The following SLC4A7 variants were observed in gnomAD, a reference collection of about 807,000 sequenced individuals.
The protein encoded by SLC4A7 is sodium bicarbonate cotransporter 3.
A neutral mutation model predicts 137.6 loss-of-function variants in SLC4A7; 51 were observed. The ratio of observed to expected loss-of-function variants is 0.37; its 90% confidence interval spans 0.30 to 0.47. The LOEUF is 0.47. Ranked by LOEUF, SLC4A7 falls within the 20% of genes least tolerant of loss-of-function variation. The pLI is 1.00. For missense variants in SLC4A7, 1,247 were observed against 1,525.4 expected (o/e 0.82, Z 3.04); for synonymous variants, 542 against 518.6 (o/e 1.05, Z -0.61).
intron 1 of SLC4A7, among the ~76,000 whole-genome samples, chr3:27,471,337 T>C (rs2150704679): frequency 6.6e-6 from 1 of 152,292 alleles, no homozygotes; most frequent in Admixed American, 6.5e-5. Context: ...AATAACTACG[T>C]TAAAGCAGGC....
chr3:27,460,396 C>T (rs2150615915), intron 1 of SLC4A7, among the ~76,000 whole-genome samples: 1 of 152,218 alleles, frequency 6.6e-6, no homozygotes, highest in Middle Eastern at 3.4e-3. Flanking sequence ...ATAATAAAGC[C>T]TTCTAAGCTC....
intron 13 of SLC4A7, among the ~76,000 whole-genome samples, chr3:27,405,865 A>G (rs1434717231): frequency 6.6e-6 from 1 of 152,236 alleles, no homozygotes; most frequent in Admixed American, 6.5e-5. Flanking sequence ...AATTTAAATC[A>G]ACGTTAGTAT....
At chr3:27,464,799 G>A (rs1458924173) in intron 1 of SLC4A7, among the ~76,000 whole-genome samples, 1 of 152,176 alleles carries the variant, frequency 6.6e-6, no homozygotes, top group Non-Finnish European at 1.5e-5. Flanking sequence ...GCACTGGGAG[G>A]ATGGGGTGGA....
chr3:27,422,028 AAATTTTTC>A (rs1027455484), intron 8 of SLC4A7, among the ~76,000 whole-genome samples: 4 of 152,244 alleles, frequency 2.6e-5, no homozygotes, highest in African/African-American at 9.6e-5. Flanking sequence ...TGAACTTGAG[AAATTTTTC>A]AATGAATACT....
At chr3:27,450,497 A>T (rs1559801762) in intron 2 of SLC4A7, among the ~76,000 whole-genome samples, 1 of 152,140 alleles carries the variant, frequency 6.6e-6, no homozygotes, top group Non-Finnish European at 1.5e-5. Flanking sequence ...TTTTAATGAA[A>T]CTATTTCCTT....
chr3:27,406,484 T>C (rs1350694424), intron 13 of SLC4A7, among the ~76,000 whole-genome samples: 1 of 152,244 alleles, frequency 6.6e-6, no homozygotes, highest in Non-Finnish European at 1.5e-5. Context: ...GTGTCCGTGT[T>C]AATGACACAT....
At chr3:27,413,746 T>A (rs1202681722) in intron 11 of SLC4A7, among the ~76,000 whole-genome samples, 1 of 152,240 alleles carries the variant, frequency 6.6e-6, no homozygotes, top group Non-Finnish European at 1.5e-5. Flanking sequence ...AATGTCATTA[T>A]CTTACTTAAT....
At chr3:27,395,168 A>G in intron 18 of SLC4A7, 53 bp from the exon 19 acceptor site, 2 of 1,313,118 alleles carry the variant, frequency 1.5e-6, no homozygotes, top group Non-Finnish European at 1.0e-6. Context: ...GTATTGCACT[A>G]AATTTCCATA....
intron 11 of SLC4A7, among the ~76,000 whole-genome samples, chr3:27,412,800 G>C (rs1469326729): frequency 1.3e-5 from 2 of 151,726 alleles, no homozygotes; most frequent in Non-Finnish European, 2.9e-5. Context: ...AATTACTTTT[G>C]TGCCAACCTA....
chr3:27,473,324 A>G (rs2059330657), intron 1 of SLC4A7, among the ~76,000 whole-genome samples: 1 of 152,072 alleles, frequency 6.6e-6, no homozygotes, highest in Non-Finnish European at 1.5e-5. Flanking sequence ...AAAAAAATGT[A>G]ATTAATAAAG....
chr3:27,401,013 C>A (rs552423629), intron 15 of SLC4A7, 144 bp from the exon 16 acceptor site: 5 of 497,694 alleles, frequency 1.0e-5, no homozygotes, highest in Non-Finnish European at 1.8e-5. Context: ...GAAAATACAT[C>A]AGAAACAACA....
At chr3:27,404,008 C>A (rs1289906676) in intron 14 of SLC4A7, among the ~76,000 whole-genome samples, 1 of 152,160 alleles carries the variant, frequency 6.6e-6, no homozygotes, top group Non-Finnish European at 1.5e-5. Flanking sequence ...AGAGCTGGAT[C>A]CATCAAATAT....
chr3:27,393,541 G>A (rs993204973), intron 20 of SLC4A7, among the ~76,000 whole-genome samples: 5 of 152,092 alleles, frequency 3.3e-5, no homozygotes, highest in Non-Finnish European at 7.4e-5. Context: ...TTACAGTAAG[G>A]GAAGGTAGCA....
chr3:27,378,033 C>T (rs2050067827), intron 25 of SLC4A7, among the ~76,000 whole-genome samples: 1 of 152,162 alleles, frequency 6.6e-6, no homozygotes, highest in Non-Finnish European at 1.5e-5. Context: ...GAGGTGCTGA[C>T]ACAGTGTGAA....
chr3:27,377,518 G>C (rs542967509), intron 25 of SLC4A7, among the ~76,000 whole-genome samples: 2 of 152,000 alleles, frequency 1.3e-5, no homozygotes, highest in African/African-American at 4.8e-5. Flanking sequence ...CCAGCCTCCC[G>C]AGTAGCTGTG....
At chr3:27,395,166 C>G (rs1053706780) in intron 18 of SLC4A7, 51 bp from the exon 19 acceptor site, 68 of 1,362,682 alleles carry the variant, frequency 5.0e-5, no homozygotes, top group Non-Finnish European at 6.0e-5. Flanking sequence ...CTGTATTGCA[C>G]TAAATTTCCA....
chr3:27,394,955 T>C lies in SLC4A7; in HGVS notation c.2864A>G (p.Lys955Arg). 1 of 1,591,056 alleles carries C rather than the reference T, an allele frequency of 6.3e-7. No individual in the cohort carries two copies. Among genetic ancestry groups the C allele is most frequent in the Non-Finnish European group, 8.5e-7 (1 of 1,172,482 alleles). Residue 955 changes from lysine (K) to arginine (R), a missense_variant and splice_region_variant, in exon 19 of 26, where the codon AAG (lysine) becomes AGG (arginine). Physicochemically the swap from Lys to Arg is conservative, Grantham distance 26. This residue lies in a region of SLC4A7 where 48 missense variants were observed against 97.2 expected (regional missense o/e 0.49). Transcript: ENST00000454389. ...CTTAAGGCAAAATTCTAAAATTACC[T>C]TCAATTTGTGTTCCTTTCTGTTTAT... is the stretch of plus-strand genomic sequence containing the variant. ...VIINRKEHKL[K>R]KGAGYHLDLL...
In SLC4A7 at chr3:27,409,369, G is replaced by A; in HGVS notation, c.1928C>T (p.Thr643Ile). The change falls in exon 13 of 26, where the codon ACA (threonine) becomes ATA (isoleucine). Residue 643 changes from threonine (T) to isoleucine (I), a missense_variant. By Grantham distance (89) the Thr-to-Ile change is moderately conservative. Around this residue, in one of 6 missense-constraint regions of SLC4A7, gnomAD observed 499 missense variants for 664.2 expected, o/e 0.75. Coordinates refer to ENST00000454389, the MANE Select transcript of SLC4A7 (RefSeq NM_001321103.2). ...CTTTGTACTCACTATTCTGCCTTCT[G>A]TAGCTTCTCCAAGCAGCCCTCCAAA... ...ITFGGLLGEA[T>I]EGRISAIESL... 1 of 1,610,238 alleles carries A rather than the reference G, an allele frequency of 6.2e-7. No homozygotes were observed. The highest frequency in any genetic ancestry group is 8.5e-7 in the Non-Finnish European group (1 of 1,178,662).
chr3:27,402,080 G>A (rs1292683163), intron 15 of SLC4A7, among the ~76,000 whole-genome samples: 1 of 152,126 alleles, frequency 6.6e-6, no homozygotes, highest in Non-Finnish European at 1.5e-5. Context: ...CATGTATCTG[G>A]GGCTTAGGTG....
Sources: allele counts gnomAD v4.1 joint callset (sites outside exome capture counted in the v4.1 genomes callset), GRCh38; gene constraint gnomAD v4.1.1; regional missense constraint gnomAD v4.1.1; transcripts MANE v1.5; gene names NCBI Gene and HGNC (gene_info 2026-07-23, HGNC 2026-07-21).